Variants in ADCY2 observed in about 807,000 individuals in gnomAD.
ADCY2 encodes the protein adenylate cyclase 2.
In ADCY2, 31 loss-of-function variants were observed where a neutral mutation model predicts 125.2. That is an observed-to-expected ratio of 0.25 (90% confidence interval 0.19 to 0.33). The LOEUF (loss-of-function observed/expected upper bound fraction) is 0.33, where lower values mean the gene tolerates loss of function less well. Among genes scored for constraint, ADCY2 ranks in the 10% least tolerant of loss-of-function variants. The pLI is 1.00. For synonymous variants in ADCY2, 512 were observed against 548.4 expected, an observed-to-expected ratio of 0.93 and a Z score of 0.93; for missense variants, 904 against 1,418.2, an observed-to-expected ratio of 0.64 and a Z score of 5.82.
chr5:7,547,016 G>C (rs1735168212), intron 3 of ADCY2, among the ~76,000 whole-genome samples: 2 of 152,142 alleles, frequency 1.3e-5, no homozygotes, highest in African/African-American at 2.4e-5. Context: ...AAAGTTCCAT[G>C]GGTATATGAG....
At chr5:7,733,639 A>G (rs943890301) in intron 14 of ADCY2, among the ~76,000 whole-genome samples, 3 of 152,162 alleles carry the variant, frequency 2.0e-5, no homozygotes, top group East Asian at 1.9e-4. Context: ...TAGAGCTCCT[A>G]TGGATTCTAC....
chr5:7,764,242 T>C (rs1238471438), intron 16 of ADCY2, among the ~76,000 whole-genome samples: 2 of 152,226 alleles, frequency 1.3e-5, no homozygotes, highest in Non-Finnish European at 2.9e-5. Context: ...TAGTGTTTTT[T>C]CCATCTTAGT....
At chr5:7,759,414 A>C (rs1480250599) in intron 16 of ADCY2, among the ~76,000 whole-genome samples, 3 of 152,200 alleles carry the variant, frequency 2.0e-5, no homozygotes, top group Non-Finnish European at 4.4e-5. Flanking sequence ...GGAGGGGCTC[A>C]CCAGGCAAGT....
At chr5:7,446,380 T>C (rs1293201439) in intron 2 of ADCY2, among the ~76,000 whole-genome samples, 2 of 152,222 alleles carry the variant, frequency 1.3e-5, no homozygotes, top group Non-Finnish European at 2.9e-5. Context: ...TGATATCAAA[T>C]TCTAACTTCA....
At chr5:7,467,214 G>A (rs1199079636) in intron 2 of ADCY2, among the ~76,000 whole-genome samples, 1 of 152,130 alleles carries the variant, frequency 6.6e-6, no homozygotes, top group Non-Finnish European at 1.5e-5. Context: ...CAGCTATCTT[G>A]CCTCTTAAAA....
intron 2 of ADCY2, among the ~76,000 whole-genome samples, chr5:7,433,753 G>A (rs1287284845): frequency 6.6e-6 from 1 of 152,128 alleles, no homozygotes; most frequent in East Asian, 1.9e-4. Context: ...GAACAGAATG[G>A]AGAGCTCAGA....
chr5:7,426,355 A>G (rs1054275231), intron 2 of ADCY2, among the ~76,000 whole-genome samples: 2 of 152,152 alleles, frequency 1.3e-5, no homozygotes, highest in African/African-American at 4.8e-5. Context: ...ATTTCTCTCA[A>G]TTCTGGAGGT....
chr5:7,564,735 A>C (rs1035112270), intron 3 of ADCY2, among the ~76,000 whole-genome samples: 1 of 152,178 alleles, frequency 6.6e-6, no homozygotes, highest in Non-Finnish European at 1.5e-5. Flanking sequence ...GAGGAAAGGT[A>C]CATTATAAAT....
intron 4 of ADCY2, among the ~76,000 whole-genome samples, chr5:7,647,685 G>A (rs932521972): frequency 6.6e-6 from 1 of 152,188 alleles, no homozygotes; most frequent in Non-Finnish European, 1.5e-5. Flanking sequence ...TGAGAATGAA[G>A]GTTATAAACC....
At chr5:7,790,579 G>A (rs995737883) in intron 20 of ADCY2, among the ~76,000 whole-genome samples, 10 of 152,226 alleles carry the variant, frequency 6.6e-5, no homozygotes, top group East Asian at 1.9e-4. Context: ...AAAGCCCTGC[G>A]CTCATTTCTG....
At chr5:7,818,744 C>A (rs79113149) in intron 23 of ADCY2, among the ~76,000 whole-genome samples, 1 of 151,988 alleles carries the variant, frequency 6.6e-6, no homozygotes, top group African/African-American at 2.4e-5. Flanking sequence ...GATGAGATGA[C>A]CACACCAAAC....
At chr5:7,434,180 TA>T (rs1382677134) in intron 2 of ADCY2, among the ~76,000 whole-genome samples, 1 of 152,188 alleles carries the variant, frequency 6.6e-6, no homozygotes, top group Admixed American at 6.5e-5. Flanking sequence ...AGCTACCCAC[TA>T]GTCTTACACG....
chr5:7,689,749 T>C (rs1273360670), intron 4 of ADCY2, among the ~76,000 whole-genome samples: 1 of 152,144 alleles, frequency 6.6e-6, no homozygotes, highest in Non-Finnish European at 1.5e-5. Flanking sequence ...GACAATGTGA[T>C]AGATAAAGAT....
chr5:7,792,925 C>A (rs1383641611), intron 20 of ADCY2, among the ~76,000 whole-genome samples: 1 of 152,216 alleles, frequency 6.6e-6, no homozygotes, highest in Middle Eastern at 3.2e-3. Flanking sequence ...GTGAGGCGGG[C>A]ATTTCACAGA....
intron 13 of ADCY2, 81 bp from the exon 14 acceptor site, chr5:7,727,083 G>C (rs1741955957): frequency 1.9e-6 from 2 of 1,026,530 alleles, no homozygotes; most frequent in African/African-American, 3.2e-5. Context: ...TGCATGCTCT[G>C]GGTACAACTA....
chr5:7,685,548 GC>G (rs1256821254), intron 4 of ADCY2, among the ~76,000 whole-genome samples: 1 of 152,188 alleles, frequency 6.6e-6, no homozygotes, highest in Non-Finnish European at 1.5e-5. Flanking sequence ...GAAAGATAAA[GC>G]AAGATCTTTC....
intron 3 of ADCY2, among the ~76,000 whole-genome samples, chr5:7,533,150 G>C (rs1054506438): frequency 1.3e-5 from 2 of 150,270 alleles, no homozygotes; most frequent in African/African-American, 2.4e-5. Context: ...ATTAAATATT[G>C]TTTTCTATTT....
At chr5:7,723,920 C>CAAAAAAAAAAAAAAAAAAAA (rs70940756) in intron 12 of ADCY2, among the ~76,000 whole-genome samples, 9 of 53,724 alleles carry the variant, frequency 1.7e-4, no homozygotes, top group African/African-American at 8.2e-4. Context: ...GACTCAGTCT[C>CAAAAAAAAAAAAAAAAAAAA]AAAAAAAAAA....
intron 3 of ADCY2, among the ~76,000 whole-genome samples, chr5:7,585,444 G>A (rs908408913): frequency 6.6e-6 from 1 of 152,142 alleles, no homozygotes; most frequent in Non-Finnish European, 1.5e-5. Flanking sequence ...ATCCAGTCAG[G>A]AACTTCACTG....
Sources: allele counts gnomAD v4.1 joint callset (sites outside exome capture counted in the v4.1 genomes callset), GRCh38; gene constraint gnomAD v4.1.1; transcripts MANE v1.5; gene names NCBI Gene and HGNC (gene_info 2026-07-23, HGNC 2026-07-21).